GUCY1A2: variants seen among roughly 807,000 people sequenced by gnomAD.
GUCY1A2 encodes guanylate cyclase soluble subunit alpha-2.
GUCY1A2 carries 27 observed loss-of-function variants against 63.5 expected under a neutral mutation model. The observed-to-expected ratio is 0.43, with a 90% confidence interval of 0.31 to 0.59. GUCY1A2 has a LOEUF of 0.59. Ranked by LOEUF, GUCY1A2 falls within the 20% of genes least tolerant of loss-of-function variation. GUCY1A2 has a pLI of 0.11. For missense variants in GUCY1A2, 768 were observed against 913.3 expected (o/e 0.84, Z 2.05); for synonymous variants, 364 against 343.5 (o/e 1.06, Z -0.66).
chr11:106,692,433 C>G (rs1330141750), intron 7 of GUCY1A2, among the ~76,000 whole-genome samples: 2 of 152,090 alleles, frequency 1.3e-5, no homozygotes, highest in Non-Finnish European at 2.9e-5. Flanking sequence ...GTGCAGGAAG[C>G]TTGATTCCAT....
intron 6 of GUCY1A2, among the ~76,000 whole-genome samples, chr11:106,774,680 C>T (rs1864323629): frequency 6.6e-6 from 1 of 152,020 alleles, no homozygotes; most frequent in Non-Finnish European, 1.5e-5. Flanking sequence ...CATCTTTCCA[C>T]TCTCTCCGCC....
intron 6 of GUCY1A2, among the ~76,000 whole-genome samples, chr11:106,721,859 C>G (rs1315080497): frequency 6.6e-6 from 1 of 152,198 alleles, no homozygotes; most frequent in Non-Finnish European, 1.5e-5. Context: ...CTCAGCCCCA[C>G]TGAAGTTATG....
rs183302953 is a variant in GUCY1A2, at chr11:106,783,503, T to C, written c.1693-6921A>G. On this transcript the variant is annotated intron_variant, in intron 5 of 7. Coordinates refer to ENST00000526355, the MANE Select transcript of GUCY1A2 (RefSeq NM_000855.3). ...CACATGACAGTTGGTATTTCAGGAG[T>C]TGGGCTAGAGATCCCTTTAAAAATA... 1.0e-3 allele frequency among the ~76,000 whole-genome samples: 155 copies of C among 152,110 alleles called. 1 individual carries two copies. The highest frequency in any genetic ancestry group is 3.7e-3 in the African/African-American group (152 of 41,506).
At chr11:106,886,705 A>G (rs540016279) in intron 4 of GUCY1A2, among the ~76,000 whole-genome samples, 43 of 152,312 alleles carry the variant, frequency 2.8e-4, no homozygotes, top group Non-Finnish European at 4.9e-4. Context: ...TCAACTGTCT[A>G]GTAGGACAGA....
chr11:107,018,056 G>C lies in GUCY1A2; in HGVS notation c.-1C>G, dbSNP rs1861852896. The C allele has an allele frequency of 6.9e-7, 1 of 1,453,980 alleles. No individual in the cohort carries two copies. The highest frequency in any genetic ancestry group is 9.2e-7 in the Non-Finnish European group (1 of 1,090,564). The allele number at this position is 1,453,980 out of a possible 1,614,324, so 90.1% of individuals were successfully genotyped here. A position where few individuals can be genotyped will look rare whatever the true frequency, so the allele number is the denominator to read the frequency against. ...CGGACGAAATCTTCCTTCGAGACAT[G>C]CTGCCGGCGGAGCTGCAGCGGCCGA... On this transcript the variant is annotated 5_prime_UTR_variant, in exon 1 of 8. Coordinates refer to ENST00000526355, the MANE Select transcript of GUCY1A2 (RefSeq NM_000855.3).
Position 106,868,149 on chromosome 11 carries a change from T to G in GUCY1A2, c.1207-57671A>C, listed in dbSNP as rs952972783. On this transcript the variant is annotated intron_variant, in intron 4 of 7. Transcript: ENST00000526355. ...TAAACCCAGGTTAGGGAACATAATC[T>G]AAAATTTGGTAGCTATAAAGCTATG... 5.9e-5 allele frequency among the ~76,000 whole-genome samples: 9 copies of G among 152,134 alleles called. No individual in the cohort carries two copies. In the Middle Eastern group the frequency reaches 0.01, roughly 174 times the overall value.
At chr11:107,003,285 C>T (rs77262005) in intron 1 of GUCY1A2, among the ~76,000 whole-genome samples, 4,750 of 152,240 alleles carry the variant, frequency 0.031, 115 homozygotes, top group Non-Finnish European at 0.045. Context: ...CTCAATCATA[C>T]TGGATTTGAA....
chr11:106,762,388 T>C lies in GUCY1A2; in HGVS notation c.1836+14051A>G, dbSNP rs1271376696. ...CTAAATAAAGTTCTCTACTTTCTCCTACCAGTTGGTAACATTTAATTCAGT... is the reference window on the plus strand; with the variant it reads ...CTAAATAAAGTTCTCTACTTTCTCCCACCAGTTGGTAACATTTAATTCAGT... On this transcript the variant is annotated intron_variant, in intron 6 of 7. Coordinates refer to ENST00000526355, the MANE Select transcript of GUCY1A2 (RefSeq NM_000855.3). Among the ~76,000 whole-genome samples, 3 of 152,132 alleles carry C rather than the reference T, an allele frequency of 2.0e-5. No individual in the cohort carries two copies. The East Asian group carries it at 5.8e-4, about 29-fold the overall frequency.
chr11:106,902,975 C>T (rs183121678), intron 4 of GUCY1A2, among the ~76,000 whole-genome samples: 1 of 152,146 alleles, frequency 6.6e-6, no homozygotes, highest in Non-Finnish European at 1.5e-5. Flanking sequence ...GACGACAGTA[C>T]ATGCCTCTTG....
At chr11:106,828,211 T>C (rs891372628) in intron 4 of GUCY1A2, among the ~76,000 whole-genome samples, 3 of 152,182 alleles carry the variant, frequency 2.0e-5, no homozygotes, top group Non-Finnish European at 4.4e-5. Context: ...AAAGTCACAT[T>C]TGTCTATTTT....
At chr11:106,971,112 C>A (rs188000438) in intron 3 of GUCY1A2, among the ~76,000 whole-genome samples, 2 of 151,906 alleles carry the variant, frequency 1.3e-5, no homozygotes, top group Admixed American at 1.3e-4. Flanking sequence ...TAGAAGAGTG[C>A]AAGTATTTGG....
chr11:106,957,953 T>C (rs1861011953), intron 3 of GUCY1A2, among the ~76,000 whole-genome samples: 1 of 150,732 alleles, frequency 6.6e-6, no homozygotes, highest in Non-Finnish European at 1.5e-5. Flanking sequence ...TTTTTCAATT[T>C]TCCTATTGAA....
At chr11:106,948,858 A>G (rs1335508519) in intron 3 of GUCY1A2, among the ~76,000 whole-genome samples, 2 of 152,194 alleles carry the variant, frequency 1.3e-5, no homozygotes, top group Non-Finnish European at 2.9e-5. Context: ...ATTAAATCCC[A>G]TCTCATGCCT....
intron 6 of GUCY1A2, among the ~76,000 whole-genome samples, chr11:106,753,504 C>T (rs1863919192): frequency 6.6e-6 from 1 of 152,158 alleles, no homozygotes. Flanking sequence ...TTAGGTCTTA[C>T]ATTTAAGTCT....
chr11:106,804,889 T>A (rs762164609), intron 5 of GUCY1A2, among the ~76,000 whole-genome samples: 2 of 152,186 alleles, frequency 1.3e-5, no homozygotes, highest in Non-Finnish European at 2.9e-5. Context: ...TGGTTTCCAG[T>A]TCCTATCATC....
intron 4 of GUCY1A2, among the ~76,000 whole-genome samples, chr11:106,879,321 C>A (rs1859792939): frequency 6.6e-6 from 1 of 152,084 alleles, no homozygotes; most frequent in Non-Finnish European, 1.5e-5. Context: ...AAGCTACTGT[C>A]CTTGTCCTCT....
At chr11:106,923,059 G>C (rs556361619) in intron 4 of GUCY1A2, among the ~76,000 whole-genome samples, 69 of 152,120 alleles carry the variant, frequency 4.5e-4, no homozygotes, top group Non-Finnish European at 8.5e-4. Flanking sequence ...CCAAAACTGG[G>C]GACCCACTAG....
intron 3 of GUCY1A2, among the ~76,000 whole-genome samples, chr11:106,942,851 T>C (rs966193563): frequency 5.9e-5 from 9 of 152,346 alleles, no homozygotes; most frequent in African/African-American, 1.9e-4. Flanking sequence ...TGCTGCTTTA[T>C]AAAGGACCTC....
intron 5 of GUCY1A2, among the ~76,000 whole-genome samples, chr11:106,808,818 T>C (rs1427205175): frequency 2.0e-5 from 3 of 152,096 alleles, no homozygotes; most frequent in Admixed American, 2.0e-4. Context: ...AGTTTAACAT[T>C]ATAGTATCTC....
Sources: allele counts gnomAD v4.1 joint callset (sites outside exome capture counted in the v4.1 genomes callset), GRCh38; gene constraint gnomAD v4.1.1; transcripts MANE v1.5; gene names NCBI Gene and HGNC (gene_info 2026-07-23, HGNC 2026-07-21).